CNTN5: variants seen among roughly 807,000 people sequenced by gnomAD.
The protein encoded by CNTN5 is contactin 5.
Under a neutral mutation model 129.1 loss-of-function variants are expected in CNTN5, and 77 were observed. The observed-to-expected ratio is 0.60, with a 90% confidence interval of 0.50 to 0.72. The LOEUF is 0.72. Ranked by LOEUF, CNTN5 falls within the 30% of genes least tolerant of loss-of-function variation. The pLI, the probability that CNTN5 is intolerant of heterozygous loss-of-function variation, is 0.00. For missense variants in CNTN5, 1,478 were observed against 1,328.8 expected, an observed-to-expected ratio of 1.11 and a Z score of -1.75; for synonymous variants, 509 against 465.6, an observed-to-expected ratio of 1.09 and a Z score of -1.20.
intron 7 of CNTN5, among the ~76,000 whole-genome samples, chr11:99,951,752 A>G (rs573355172): frequency 5.3e-5 from 8 of 152,290 alleles, no homozygotes; most frequent in African/African-American, 1.9e-4. Flanking sequence ...ATAGAGACTC[A>G]GTGTCTCTAT....
intron 9 of CNTN5, among the ~76,000 whole-genome samples, chr11:100,008,278 A>G (rs1940315014): frequency 6.6e-6 from 1 of 152,122 alleles, no homozygotes; most frequent in Non-Finnish European, 1.5e-5. Flanking sequence ...TTGACATAGC[A>G]TTGCCACAGA....
chr11:99,031,673 G>T (rs1232315615), intron 1 of CNTN5, among the ~76,000 whole-genome samples: 1 of 151,218 alleles, frequency 6.6e-6, no homozygotes, highest in African/African-American at 2.4e-5. Context: ...TATTTCACCT[G>T]AAACAAAGGT....
chr11:100,242,211 T>C (rs1206729004), intron 16 of CNTN5, among the ~76,000 whole-genome samples: 1 of 152,182 alleles, frequency 6.6e-6, no homozygotes, highest in Non-Finnish European at 1.5e-5. Flanking sequence ...CCATTGCTGT[T>C]CTCTGCCTGG....
At chr11:99,414,527 G>A (rs1267120653) in intron 2 of CNTN5, among the ~76,000 whole-genome samples, 2 of 151,978 alleles carry the variant, frequency 1.3e-5, no homozygotes, top group Non-Finnish European at 2.9e-5. Context: ...TTACAAAGAA[G>A]TTCAGCAATG....
intron 3 of CNTN5, among the ~76,000 whole-genome samples, chr11:99,624,637 A>G (rs112758535): frequency 2.0e-5 from 3 of 152,266 alleles, no homozygotes; most frequent in African/African-American, 4.8e-5. Context: ...CTCATTTTCA[A>G]TAGATAGCTG....
At chr11:100,193,419 C>A in intron 14 of CNTN5, 69 bp from the exon 15 acceptor site, 1 of 1,031,986 alleles carries the variant, frequency 9.7e-7, no homozygotes, top group Non-Finnish European at 1.4e-6. Flanking sequence ...TCAATTATTT[C>A]AAGCAAAATA....
intron 4 of CNTN5, among the ~76,000 whole-genome samples, chr11:99,830,503 T>A (rs1947105680): frequency 6.6e-6 from 1 of 152,136 alleles, no homozygotes; most frequent in Non-Finnish European, 1.5e-5. Context: ...TTCTGTTGTT[T>A]CCTCAAAATA....
intron 3 of CNTN5, among the ~76,000 whole-genome samples, chr11:99,699,981 GAAT>G (rs974796528): frequency 6.6e-6 from 1 of 151,302 alleles, no homozygotes; most frequent in Non-Finnish European, 1.5e-5. Flanking sequence ...GTAAATGAAT[GAAT>G]ATATGAATAC....
At chr11:99,024,305 AC>A (rs1863015473) in intron 1 of CNTN5, among the ~76,000 whole-genome samples, 1 of 152,144 alleles carries the variant, frequency 6.6e-6, no homozygotes, top group Admixed American at 6.5e-5. Context: ...TTTTCCAGAC[AC>A]TTAAACAGTG....
At chr11:100,058,781 A>C (rs970210846) in intron 9 of CNTN5, among the ~76,000 whole-genome samples, 1 of 152,164 alleles carries the variant, frequency 6.6e-6, no homozygotes, top group Non-Finnish European at 1.5e-5. Context: ...TCTTACACTT[A>C]ACGGTTATAA....
chr11:100,242,477 C>A lies in CNTN5; in HGVS notation c.2006-13283C>A, dbSNP rs61909778. The stretch of plus-strand genomic sequence containing the variant: ...GTGGTTTAATTGGCTCACAGTTCCA[C>A]AGGCTGTACAGGAAGTATGGCTGAG... On this transcript the variant is annotated intron_variant, in intron 16 of 24. Coordinates refer to ENST00000524871, the MANE Select transcript of CNTN5 (RefSeq NM_014361.4). Among the ~76,000 whole-genome samples the A allele has an allele frequency of 2.1e-3, 325 of 152,280 alleles. 1 individual carries two copies. The highest frequency in any genetic ancestry group is 6.8e-3 in the Middle Eastern group (2 of 294).
At chr11:100,301,734 C>T (rs1440481328) in intron 20 of CNTN5, among the ~76,000 whole-genome samples, 1 of 151,604 alleles carries the variant, frequency 6.6e-6, no homozygotes, top group Non-Finnish European at 1.5e-5. Context: ...AATCTGATCA[C>T]ACTAACTAGA....
At chr11:100,246,944 C>G (rs1949852743) in intron 16 of CNTN5, among the ~76,000 whole-genome samples, 1 of 152,166 alleles carries the variant, frequency 6.6e-6, no homozygotes, top group Admixed American at 6.6e-5. Context: ...AATACAAGCA[C>G]AATTCTAGCC....
intron 9 of CNTN5, among the ~76,000 whole-genome samples, chr11:100,055,414 C>G (rs1565833858): frequency 6.6e-6 from 1 of 151,496 alleles, no homozygotes; most frequent in Non-Finnish European, 1.5e-5. Flanking sequence ...GCATCTTAAA[C>G]TTTCTTTCTG....
chr11:100,204,295 CTAATATATAT>C lies in CNTN5; in HGVS notation c.1884+10633_1884+10642del, dbSNP rs1162822564. Among the ~76,000 whole-genome samples the C allele has an allele frequency of 9.4e-4, 26 of 27,708 alleles. 1 individual carries two copies. The highest frequency in any genetic ancestry group is 0.031 in the Middle Eastern group (1 of 32). 18.2% of individuals were successfully genotyped at this position (27,708 alleles called of 152,430 possible). A position where few individuals can be genotyped will look rare whatever the true frequency, so the allele number is the denominator to read the frequency against. ...TAGCTCACCAAGAAACAAACATTGA[CTAATATATAT>C]ATATATATATATATATATATATATA... On this transcript the variant is annotated intron_variant, in intron 15 of 24. Transcript: ENST00000524871.
chr11:99,875,321 TTTTA>T (rs1392496947), intron 6 of CNTN5, among the ~76,000 whole-genome samples: 1 of 148,490 alleles, frequency 6.7e-6, no homozygotes, highest in Non-Finnish European at 1.5e-5. Context: ...TTGGTATGAT[TTTTA>T]TTTAGTTCAT....
intron 3 of CNTN5, among the ~76,000 whole-genome samples, chr11:99,578,389 C>G (rs1411313979): frequency 6.8e-6 from 1 of 146,792 alleles, no homozygotes; most frequent in African/African-American, 2.5e-5. Context: ...TTCTAGATCC[C>G]TGAGGAATCG....
intron 15 of CNTN5, among the ~76,000 whole-genome samples, chr11:100,209,751 A>T (rs555709085): frequency 9.8e-5 from 15 of 152,322 alleles, no homozygotes; most frequent in South Asian, 2.1e-4. Context: ...ATATTTATTA[A>T]TAAACTACTA....
intron 2 of CNTN5, among the ~76,000 whole-genome samples, chr11:99,457,693 A>G (rs1406600590): frequency 6.6e-6 from 1 of 151,766 alleles, no homozygotes; most frequent in Non-Finnish European, 1.5e-5. Context: ...AAGATGTATA[A>G]TTTTTAAAGA....
Sources: allele counts gnomAD v4.1 joint callset (sites outside exome capture counted in the v4.1 genomes callset), GRCh38; gene constraint gnomAD v4.1.1; transcripts MANE v1.5; gene names NCBI Gene and HGNC (gene_info 2026-07-23, HGNC 2026-07-21).